ETNK1: variants seen among roughly 807,000 people sequenced by gnomAD.
ETNK1 encodes the protein putative protein product of Nbla10396.
In ETNK1, 8 loss-of-function variants were observed where a neutral mutation model predicts 45.1. That is an observed-to-expected ratio of 0.18 (90% CI 0.10 to 0.32). ETNK1 has a LOEUF of 0.32. Among genes scored for constraint, ETNK1 ranks in the 10% least tolerant of loss-of-function variants. The pLI is 1.00. For missense variants in ETNK1, 302 were observed against 430.6 expected (o/e 0.70, Z 2.64); for synonymous variants, 152 against 151.9 (o/e 1.00, Z -0.01).
intron 4 of ETNK1, among the ~76,000 whole-genome samples, chr12:22,668,899 TTACTC>T (rs1042024674): frequency 1.3e-5 from 2 of 152,214 alleles, no homozygotes; most frequent in Admixed American, 6.5e-5. Flanking sequence ...TAAATTGTAT[TTACTC>T]TACAAGCAGG....
Position 22,686,003 on chromosome 12 carries a change from T to A in ETNK1, c.*1049T>A, listed in dbSNP as rs1267010831. 1 of 152,362 alleles carries A rather than the reference T, an allele frequency of 6.6e-6. No homozygotes were observed. Among genetic ancestry groups the A allele is most frequent in the East Asian group, 1.9e-4 (1 of 5,196 alleles). The allele number at this position is 152,362 out of a possible 1,614,324, so 9.4% of individuals were successfully genotyped here. A position where few individuals can be genotyped will look rare whatever the true frequency, so the allele number is the denominator to read the frequency against. ...GTTTGATTCTATGTTTTTAGACTGATAGCAAATGATTACTTGATACATGTA... is the reference window on the plus strand; with the variant it reads ...GTTTGATTCTATGTTTTTAGACTGAAAGCAAATGATTACTTGATACATGTA... On this transcript the variant is annotated 3_prime_UTR_variant, in exon 8 of 8. Transcript: ENST00000266517.
At chr12:22,669,918 T>C (rs1419876177) in intron 4 of ETNK1, among the ~76,000 whole-genome samples, 2 of 152,114 alleles carry the variant, frequency 1.3e-5, no homozygotes, top group Non-Finnish European at 2.9e-5. Context: ...ACACATTACA[T>C]TTTTATAACT....
chr12:22,667,977 G>A (rs1954070930), intron 4 of ETNK1, among the ~76,000 whole-genome samples: 1 of 152,106 alleles, frequency 6.6e-6, no homozygotes, highest in Admixed American at 6.5e-5. Context: ...ATGTAGGTTT[G>A]GAAAATTCAA....
chr12:22,641,497 C>T (rs1319326297), intron 1 of ETNK1, among the ~76,000 whole-genome samples: 3 of 152,108 alleles, frequency 2.0e-5, no homozygotes, highest in South Asian at 4.2e-4. Context: ...CACAGAGTAA[C>T]CCTATCTAAT....
intron 2 of ETNK1, among the ~76,000 whole-genome samples, chr12:22,655,342 T>G (rs1274479069): frequency 1.3e-5 from 2 of 148,696 alleles, no homozygotes; most frequent in East Asian, 2.0e-4. Context: ...TTTTTTTTTT[T>G]TTTTTTTTTT....
chr12:22,676,537 C>G (rs549920096), intron 6 of ETNK1, among the ~76,000 whole-genome samples: 17 of 151,826 alleles, frequency 1.1e-4, no homozygotes, highest in African/African-American at 3.9e-4. Flanking sequence ...AATGGGATTC[C>G]TGGGTCAAAT....
At chr12:22,627,453 G>A (rs1314184608) in intron 1 of ETNK1, among the ~76,000 whole-genome samples, 1 of 152,076 alleles carries the variant, frequency 6.6e-6, no homozygotes, top group East Asian at 1.9e-4. Context: ...CCATGTGCAA[G>A]CAAAGCTTTG....
At position 22,684,444 on chromosome 12, in the gene ETNK1, C is replaced by A. The variant is rs1954241439; in HGVS notation, c.946-39C>A. On this transcript the variant is annotated intron_variant, in intron 6 of 7. Transcript: ENST00000266517. ...TTCATATGTGTTTTACAGAGAAATT[C>A]ATTATCATAATTTTTGATTTTTCTT... The A allele has an allele frequency of 2.8e-6, 4 of 1,406,924 alleles. No individual in the cohort carries two copies. The African/African-American group carries it at 4.3e-5, about 15-fold the overall frequency. 87.2% of individuals were successfully genotyped at this position (1,406,924 alleles called of 1,614,324 possible). A position where few individuals can be genotyped will look rare whatever the true frequency, so the allele number is the denominator to read the frequency against.
intron 1 of ETNK1, among the ~76,000 whole-genome samples, chr12:22,633,229 C>T (rs1230761979): frequency 6.6e-6 from 1 of 152,034 alleles, no homozygotes; most frequent in African/African-American, 2.4e-5. Flanking sequence ...ATATCTTTAC[C>T]AATAATTGCT....
rs894363448 is a variant in ETNK1, at chr12:22,684,768, C to T, written c.1020-114C>T. 4.1e-5 allele frequency: 36 copies of T among 873,562 alleles called. 1 individual carries two copies. The South Asian group carries it at 5.4e-4, about 13-fold the overall frequency. The allele number at this position is 873,562 out of a possible 1,614,324, so 54.1% of individuals were successfully genotyped here. A position where few individuals can be genotyped will look rare whatever the true frequency, so the allele number is the denominator to read the frequency against. ...GTGGTGCAATAAACTAAAAATATGT[C>T]CTTTGAAAATCTTAAACTTTAAGAA... On this transcript the variant is annotated intron_variant, in intron 7 of 7. Coordinates refer to ENST00000266517, the MANE Select transcript of ETNK1 (RefSeq NM_018638.5).
chr12:22,660,237 T>G (rs866603938), intron 3 of ETNK1, among the ~76,000 whole-genome samples: 12 of 152,000 alleles, frequency 7.9e-5, no homozygotes, highest in Middle Eastern at 3.2e-3. Flanking sequence ...AGGGAGTAAT[T>G]TGAGAGACTT....
At chr12:22,653,469 T>C (rs1374580009) in intron 2 of ETNK1, among the ~76,000 whole-genome samples, 1 of 152,170 alleles carries the variant, frequency 6.6e-6, no homozygotes, top group Non-Finnish European at 1.5e-5. Context: ...TTAACAATAT[T>C]GTTTTCCAAT....
chr12:22,659,816 T>A (rs1350406609), intron 3 of ETNK1, among the ~76,000 whole-genome samples: 2 of 152,158 alleles, frequency 1.3e-5, no homozygotes, highest in African/African-American at 4.8e-5. Flanking sequence ...AGGTATACTT[T>A]AAATCCTTGA....
chr12:22,657,064 A>G (rs915560525), intron 2 of ETNK1, among the ~76,000 whole-genome samples: 5 of 152,072 alleles, frequency 3.3e-5, no homozygotes, highest in Admixed American at 3.3e-4. Flanking sequence ...TTTTGATTTT[A>G]TCACCACCTG....
chr12:22,683,144 C>T (rs1954229142), intron 6 of ETNK1, among the ~76,000 whole-genome samples: 1 of 152,096 alleles, frequency 6.6e-6, no homozygotes, highest in South Asian at 2.1e-4. Context: ...CACGCCAGAG[C>T]CCAGCTTGTT....
At chr12:22,663,901 T>C (rs910428661) in intron 4 of ETNK1, among the ~76,000 whole-genome samples, 5 of 151,978 alleles carry the variant, frequency 3.3e-5, no homozygotes, top group African/African-American at 9.7e-5. Context: ...TTAGGAAGGC[T>C]GGTTTTGATC....
intron 2 of ETNK1, among the ~76,000 whole-genome samples, chr12:22,645,522 T>C (rs561722617): frequency 1.3e-5 from 2 of 151,968 alleles, no homozygotes; most frequent in South Asian, 2.1e-4. Flanking sequence ...TTATTATTTC[T>C]TTCCCAAATG....
intron 4 of ETNK1, among the ~76,000 whole-genome samples, chr12:22,667,828 T>G (rs949661171): frequency 6.6e-6 from 1 of 152,166 alleles, no homozygotes; most frequent in Non-Finnish European, 1.5e-5. Flanking sequence ...GGTAATACAT[T>G]ATTATTTTTT....
chr12:22,655,324 GTTTGTTTT>G (rs1953925554), intron 2 of ETNK1, among the ~76,000 whole-genome samples: 1 of 57,698 alleles, frequency 1.7e-5, no homozygotes, highest in African/African-American at 6.6e-5. Flanking sequence ...TTTGGGGTTT[GTTTGTTTT>G]TTTTTTTTTT....
Sources: allele counts gnomAD v4.1 joint callset (sites outside exome capture counted in the v4.1 genomes callset), GRCh38; gene constraint gnomAD v4.1.1; transcripts MANE v1.5; gene names NCBI Gene and HGNC (gene_info 2026-07-23, HGNC 2026-07-21).